Variants in CSMD1 observed in about 807,000 individuals in gnomAD.
CSMD1 encodes CUB and Sushi multiple domains 1, also known as CUB and sushi domain-containing protein 1.
CSMD1 carries 213 observed loss-of-function variants against 417.5 expected under a neutral mutation model. The observed-to-expected ratio is 0.51, with a 90% CI of 0.46 to 0.57. The LOEUF (loss-of-function observed/expected upper bound fraction) is 0.57, where lower values mean the gene tolerates loss of function less well. Ranked by LOEUF, CSMD1 falls within the 20% of genes least tolerant of loss-of-function variation. The pLI, the probability that CSMD1 is intolerant of heterozygous loss-of-function variation, is 0.00. For missense variants in CSMD1, 6,923 were observed against 4,529.7 expected, an observed-to-expected ratio of 1.53 and a Z score of -15.17; for synonymous variants, 2,862 against 1,736.8, an observed-to-expected ratio of 1.65 and a Z score of -16.11.
chr8:4,716,017 C>T (rs930581342), intron 1 of CSMD1, among the ~76,000 whole-genome samples: 1 of 152,162 alleles, frequency 6.6e-6, no homozygotes, highest in Non-Finnish European at 1.5e-5. Flanking sequence ...AGCACAGGGG[C>T]CAGGGCAGAT....
chr8:4,576,987 T>C (rs1284178565), intron 2 of CSMD1, among the ~76,000 whole-genome samples: 1 of 152,216 alleles, frequency 6.6e-6, no homozygotes, highest in Non-Finnish European at 1.5e-5. Flanking sequence ...GAACACAGTG[T>C]GATTCTATCT....
chr8:3,337,816 T>C (rs1807370210), intron 23 of CSMD1, among the ~76,000 whole-genome samples: 1 of 152,126 alleles, frequency 6.6e-6, no homozygotes. Context: ...ACAAAAGTAT[T>C]CCTTTGAGTG....
intron 20 of CSMD1, 75 bp downstream of exon 20, chr8:3,366,957 C>A (rs940347743): frequency 3.5e-6 from 4 of 1,132,382 alleles, no homozygotes; most frequent in Non-Finnish European, 3.9e-6. Flanking sequence ...CACACACACA[C>A]CCACACACAT....
chr8:4,902,324 C>A (rs577165226), intron 1 of CSMD1, among the ~76,000 whole-genome samples: 1 of 151,804 alleles, frequency 6.6e-6, no homozygotes, highest in African/African-American at 2.4e-5. Context: ...CTAGTCCCAG[C>A]CACTCAGGAG....
chr8:3,284,288 C>G lies in CSMD1; in HGVS notation c.4009G>C (p.Gly1337Arg), dbSNP rs1420799192. 1 of 1,613,908 alleles carries G rather than the reference C, an allele frequency of 6.2e-7. No individual in the cohort carries two copies. The highest frequency in any genetic ancestry group is 1.7e-5 in the Admixed American group (1 of 60,018). ...AGCAGGATGTCACTGTCCACCGGCC[C>G]GTCCCAGACCTTGAGGATGTCGTGA... is the stretch of plus-strand genomic sequence containing the variant. Reference protein sequence around the residue: ...MAHDILKVWDGPVDSDILLKE... With the variant: ...MAHDILKVWDRPVDSDILLKE... The change falls in exon 26 of 70, where the codon GGG (glycine) becomes CGG (arginine). Residue 1337 changes from glycine (G) to arginine (R), a missense_variant. Coordinates refer to ENST00000635120, the MANE Select transcript of CSMD1 (RefSeq NM_033225.6).
chr8:4,508,881 C>T (rs900458633), intron 2 of CSMD1, among the ~76,000 whole-genome samples: 1 of 151,962 alleles, frequency 6.6e-6, no homozygotes, highest in Non-Finnish European at 1.5e-5. Context: ...AGTAGCATTT[C>T]TTCCTAGAGG....
At chr8:2,946,894 T>A (rs1802277999) in intron 68 of CSMD1, among the ~76,000 whole-genome samples, 1 of 152,194 alleles carries the variant, frequency 6.6e-6, no homozygotes, top group African/African-American at 2.4e-5. Flanking sequence ...CCTTTGCGAT[T>A]TGACTTTTAG....
chr8:3,723,186 G>T (rs1290097471), intron 6 of CSMD1, among the ~76,000 whole-genome samples: 1 of 152,098 alleles, frequency 6.6e-6, no homozygotes, highest in East Asian at 1.9e-4. Flanking sequence ...GGCCACTCGG[G>T]GCACTCAGGG....
intron 7 of CSMD1, among the ~76,000 whole-genome samples, chr8:3,688,034 G>A (rs1800036693): frequency 6.6e-6 from 1 of 152,200 alleles, no homozygotes; most frequent in South Asian, 2.1e-4. Context: ...TGACCGAAAT[G>A]GATTGCTTTG....
intron 3 of CSMD1, among the ~76,000 whole-genome samples, chr8:4,160,818 A>G (rs1163719608): frequency 6.6e-6 from 1 of 152,252 alleles, no homozygotes; most frequent in Non-Finnish European, 1.5e-5. Context: ...AAATATCAGA[A>G]AAGAAGAAGA....
intron 3 of CSMD1, among the ~76,000 whole-genome samples, chr8:4,124,090 GA>G (rs561609377): frequency 2.7e-5 from 4 of 150,606 alleles, no homozygotes; most frequent in Admixed American, 6.6e-5. Context: ...GAACAACGAA[GA>G]AAAAAAAGAG....
intron 5 of CSMD1, among the ~76,000 whole-genome samples, chr8:3,794,848 T>A (rs1221519098): frequency 7.0e-6 from 1 of 142,718 alleles, no homozygotes; most frequent in Non-Finnish European, 1.5e-5. Context: ...AGGAAGCCCA[T>A]ATCCGGGATC....
chr8:3,673,522 G>C (rs147806713), intron 7 of CSMD1, among the ~76,000 whole-genome samples: 53 of 152,306 alleles, frequency 3.5e-4, no homozygotes, highest in African/African-American at 1.1e-3. Flanking sequence ...TTTTACAGGA[G>C]AAAGTGTTTG....
chr8:3,935,309 G>C (rs367757326), intron 5 of CSMD1, among the ~76,000 whole-genome samples: 1 of 152,302 alleles, frequency 6.6e-6, no homozygotes, highest in East Asian at 1.9e-4. Flanking sequence ...ATATCAGCAT[G>C]AAACACTTAT....
At chr8:3,689,288 T>C (rs1206627827) in intron 7 of CSMD1, among the ~76,000 whole-genome samples, 1 of 152,142 alleles carries the variant, frequency 6.6e-6, no homozygotes, top group Non-Finnish European at 1.5e-5. Flanking sequence ...CAGGGGCCTG[T>C]GGCTAACATT....
At chr8:3,123,355 T>A (rs1817316376) in intron 41 of CSMD1, among the ~76,000 whole-genome samples, 1 of 152,166 alleles carries the variant, frequency 6.6e-6, no homozygotes. Flanking sequence ...CTAGAAAACA[T>A]CCACAGTGCC....
chr8:3,939,658 T>C (rs755779669), intron 5 of CSMD1, among the ~76,000 whole-genome samples: 1 of 152,116 alleles, frequency 6.6e-6, no homozygotes, highest in Non-Finnish European at 1.5e-5. Context: ...AAATGTGGTA[T>C]ATATACACCA....
intron 23 of CSMD1, among the ~76,000 whole-genome samples, chr8:3,335,987 A>G (rs956551220): frequency 2.6e-5 from 4 of 152,164 alleles, no homozygotes; most frequent in Admixed American, 6.5e-5. Flanking sequence ...TTACATGCAG[A>G]GGACGATGAG....
chr8:4,190,337 G>A (rs560491105), intron 3 of CSMD1, among the ~76,000 whole-genome samples: 48 of 151,630 alleles, frequency 3.2e-4, no homozygotes, highest in African/African-American at 9.9e-4. Flanking sequence ...GAAGTTAGGG[G>A]CCAGTTAACT....
Sources: gnomAD v4.1 joint callset for allele counts (sites outside exome capture counted in the v4.1 genomes callset) on GRCh38, gnomAD v4.1.1 for gene constraint, MANE v1.5 for transcripts, NCBI Gene and HGNC (gene_info 2026-07-23, HGNC 2026-07-21) for gene names.